The following SREBF2 variants were observed in gnomAD, a reference collection of about 807,000 sequenced individuals.
The protein encoded by SREBF2 is sterol regulatory element binding transcription factor 2.
In SREBF2, 55 loss-of-function variants were observed where a neutral mutation model predicts 113.1. That is an observed-to-expected ratio of 0.49 (90% CI 0.39 to 0.61). The LOEUF is 0.61. SREBF2 is among the 20% of genes least tolerant of loss of function. The pLI is 0.00. For missense variants in SREBF2, 1,349 were observed against 1,487.4 expected (o/e 0.91, Z 1.53); for synonymous variants, 593 against 605.7 (o/e 0.98, Z 0.31).
chr22:41,885,660 CT>C, intron 11 of SREBF2: 4 of 161,178 alleles, frequency 2.5e-5, no homozygotes, highest in South Asian at 1.7e-4. Context: ...TATCAGCTAG[CT>C]CACAACATGC....
intron 1 of SREBF2, among the ~76,000 whole-genome samples, chr22:41,835,999 ATGGAAACTACCACCCTC>A (rs1326911318): frequency 6.6e-6 from 1 of 152,372 alleles, no homozygotes; most frequent in Non-Finnish European, 1.5e-5. Context: ...TCTGAATAAA[ATGGAAACTACCACCCTC>A]TGGAAACTAC....
chr22:41,900,722 T>C (rs2077458656), intron 16 of SREBF2, among the ~76,000 whole-genome samples: 1 of 152,222 alleles, frequency 6.6e-6, no homozygotes, highest in Non-Finnish European at 1.5e-5. Context: ...GCACCTTTCT[T>C]AGGCTCCCAG....
Position 41,904,942 on chromosome 22 carries a change from T to C in SREBF2, c.3173T>C (p.Leu1058Pro). The change falls in exon 18 of 19, where the codon CTG becomes CCG. Residue 1058 changes from leucine to proline, a missense_variant. Leu to Pro is a moderately conservative substitution (Grantham distance 98). Around this residue, in one of 2 missense-constraint regions of SREBF2, gnomAD observed 650 missense variants for 644.1 expected, o/e 1.01. Coordinates refer to ENST00000361204, the MANE Select transcript of SREBF2 (RefSeq NM_004599.4). ...TRTHQLLEHS[L>P]RRRTTQSTKH... ...ACCCACCAGCTGCTGGAACACAGCC[T>C]GCGGCGGCGCACCACGCAGAGCACC... 1 of 1,602,926 alleles carries C rather than the reference T, an allele frequency of 6.2e-7. No homozygotes were observed. The highest frequency in any genetic ancestry group is 8.5e-7 in the Non-Finnish European group (1 of 1,178,128).
At chr22:41,870,687 C>T (rs1245105741) in intron 3 of SREBF2, among the ~76,000 whole-genome samples, 1 of 151,114 alleles carries the variant, frequency 6.6e-6, no homozygotes, top group East Asian at 1.9e-4. Context: ...TCTTTCTCCA[C>T]CTGAACCCGG....
At chr22:41,887,393 C>T (rs1406579375) in intron 11 of SREBF2, among the ~76,000 whole-genome samples, 1 of 152,138 alleles carries the variant, frequency 6.6e-6, no homozygotes, top group Non-Finnish European at 1.5e-5. Context: ...CCTGCCCCTT[C>T]CCCCAAGCCT....
intron 12 of SREBF2, 60 bp from the exon 13 acceptor site, chr22:41,894,760 A>G (rs778670895): frequency 4.8e-6 from 7 of 1,460,570 alleles, no homozygotes; most frequent in Non-Finnish European, 6.7e-6. Context: ...TCTCTCCGTA[A>G]AGACAAAGTG....
chr22:41,848,777 A>C (rs989386673), intron 1 of SREBF2, among the ~76,000 whole-genome samples: 3 of 152,028 alleles, frequency 2.0e-5, no homozygotes, highest in Non-Finnish European at 4.4e-5. Context: ...CCCTCTTTGG[A>C]CTTGGACTTT....
chr22:41,847,329 T>G (rs1287700132), intron 1 of SREBF2, among the ~76,000 whole-genome samples: 3 of 152,214 alleles, frequency 2.0e-5, no homozygotes, highest in Non-Finnish European at 4.4e-5. Context: ...AACAGGGTCA[T>G]GCAGGATCAG....
At position 41,899,407 on chromosome 22, in the gene SREBF2, G is replaced by A. The variant is rs1023087698; in HGVS notation, c.2738+626G>A. The A allele has an allele frequency of 5.0e-6, 5 of 1,002,818 alleles. No homozygotes were observed. The African/African-American group carries it at 5.2e-5, about 10-fold the overall frequency. The allele number at this position is 1,002,818 out of a possible 1,614,324, so 62.1% of individuals were successfully genotyped here. A position where few individuals can be genotyped will look rare whatever the true frequency, so the allele number is the denominator to read the frequency against. ...AGCCCTGCCTGCTGACTCCCCGGCT[G>A]TTTCTAATTGGATCTGAGTATTCTA... On this transcript the variant is annotated intron_variant, in intron 15 of 18. Coordinates refer to ENST00000361204, the MANE Select transcript of SREBF2 (RefSeq NM_004599.4).
intron 7 of SREBF2, 104 bp downstream of exon 7, chr22:41,875,828 C>A: frequency 1.5e-6 from 2 of 1,320,512 alleles, no homozygotes; most frequent in Non-Finnish European, 2.2e-6. Context: ...GTTAAGAGGG[C>A]CTAGCCTGGA....
rs1397174686 is a variant in SREBF2 at position 41,878,056 on chromosome 22, G to C, written c.1694G>C (p.Arg565Pro). 1 of 1,614,012 alleles carries C rather than the reference G, an allele frequency of 6.2e-7. No homozygotes were observed. The highest frequency in any genetic ancestry group is 1.7e-5 in the Admixed American group (1 of 59,996). ...KLLVHGEPVI[R>P]PHSRSSVTFW... ...CTGGTTCATGGGGAGCCAGTGATCCGGCCACACTCGCGCTCCTCGGTCACC... is the reference window on the plus strand; with the variant it reads ...CTGGTTCATGGGGAGCCAGTGATCCCGCCACACTCGCGCTCCTCGGTCACC... The change falls in exon 9 of 19, where the codon CGG becomes CCG. Residue 565 changes from arginine to proline, a missense_variant. By Grantham distance (103) the Arg-to-Pro change is moderately radical (BLOSUM62 -2). Transcript: ENST00000361204.
At chr22:41,880,684 A>G in intron 9 of SREBF2, 32 bp from the exon 10 acceptor site, 4 of 1,614,122 alleles carry the variant, frequency 2.5e-6, no homozygotes, top group Non-Finnish European at 3.4e-6. Flanking sequence ...GAGCAAGGCC[A>G]GTGACCATTA....
intron 1 of SREBF2, among the ~76,000 whole-genome samples, chr22:41,849,355 C>A (rs760193043): frequency 7.2e-5 from 11 of 152,092 alleles, no homozygotes; most frequent in Non-Finnish European, 1.5e-4. Context: ...CCACGCCCGG[C>A]TAACTTTTGT....
chr22:41,877,853 CT>C, intron 8 of SREBF2, 88 bp from the exon 9 acceptor site: 1 of 1,385,876 alleles, frequency 7.2e-7, no homozygotes. Context: ...GTAGAAGACT[CT>C]TTCCTGTGAT....
chr22:41,905,091 CCTCT>C (rs757608535), intron 18 of SREBF2, 117 bp downstream of exon 18: 5 of 1,010,014 alleles, frequency 5.0e-6, no homozygotes, highest in African/African-American at 4.8e-5. Context: ...ACACCTCTCG[CCTCT>C]CTGAGAATGA....
intron 9 of SREBF2, among the ~76,000 whole-genome samples, chr22:41,878,383 G>A (rs2077216734): frequency 6.6e-6 from 1 of 152,162 alleles, no homozygotes; most frequent in Admixed American, 6.5e-5. Context: ...GAGCGGGGCT[G>A]CCAAGAGTAG....
rs1206087371 is a variant in SREBF2 at position 41,867,271 on chromosome 22, A to G, written c.529A>G (p.Ser177Gly). The change falls in exon 2 of 19, where the codon AGC becomes GGC. Residue 177 changes from serine (S) to glycine (G), a missense_variant. Around this residue, in one of 2 missense-constraint regions of SREBF2, gnomAD observed 699 missense variants for 843.3 expected, o/e 0.83. Transcript: ENST00000361204. ...QPLIYQNAAT[S>G]FQVLQPQVQS... The stretch of plus-strand genomic sequence containing the variant: ...TTTGATATACCAGAATGCAGCTACT[A>G]GCTTTCAAGGTGATTCAGAAGTTAG... 4 of 1,614,108 alleles carry G rather than the reference A, an allele frequency of 2.5e-6. No individual in the cohort carries two copies. Among genetic ancestry groups the G allele is most frequent in the Non-Finnish European group, 3.4e-6 (4 of 1,180,056 alleles).
At chr22:41,879,727 T>C (rs937770036) in intron 9 of SREBF2, among the ~76,000 whole-genome samples, 8 of 151,996 alleles carry the variant, frequency 5.3e-5, no homozygotes, top group Admixed American at 3.3e-4. Context: ...TAGAGGAAAA[T>C]AGGAGAATTT....
chr22:41,871,090 T>C, intron 4 of SREBF2, 55 bp downstream of exon 4: 7 of 1,607,566 alleles, frequency 4.4e-6, no homozygotes, highest in Non-Finnish European at 6.0e-6. Flanking sequence ...CCTGGAGGTG[T>C]TAGTCTTCAG....
Sources: gnomAD v4.1 joint callset for allele counts (sites outside exome capture counted in the v4.1 genomes callset) on GRCh38, gnomAD v4.1.1 for gene constraint, gnomAD v4.1.1 regional missense constraint, MANE v1.5 for transcripts, NCBI Gene and HGNC (gene_info 2026-07-23, HGNC 2026-07-21) for gene names.